EDA: variants seen among roughly 807,000 people sequenced by gnomAD.
The protein encoded by EDA is ectodysplasin A, also known as ectodysplasin-A.
In EDA, 2 loss-of-function variants were observed where a neutral mutation model predicts 23.6. The observed-to-expected ratio is 0.08, with a 90% CI of 0.03 to 0.27. The LOEUF is 0.27. Among genes scored for constraint, EDA ranks in the 10% least tolerant of loss-of-function variants. The probability of loss-of-function intolerance (pLI) is 1.00; values close to 1 mark genes in which losing one functional copy is unlikely to be tolerated. For synonymous variants in EDA, 131 were observed against 132.0 expected (o/e 0.99, Z 0.05); for missense variants, 229 against 324.2 (o/e 0.71, Z 2.26).
chrX:69,904,762 G>A (rs1374126813), intron 1 of EDA, among the ~76,000 whole-genome samples: 1 of 111,927 alleles, frequency 8.9e-6, no homozygotes, highest in East Asian at 2.8e-4. Flanking sequence ...CCACATGTGA[G>A]TGAGAATGTG....
chrX:69,788,434 TG>T (rs2015275843), intron 1 of EDA, among the ~76,000 whole-genome samples: 1 of 112,058 alleles, frequency 8.9e-6, no homozygotes, highest in African/African-American at 3.2e-5. Flanking sequence ...TATCTACTTT[TG>T]GTCTTTGATG....
chrX:69,889,411 A>C (rs2017889284), intron 1 of EDA, among the ~76,000 whole-genome samples: 1 of 110,786 alleles, frequency 9.0e-6, no homozygotes, highest in South Asian at 3.9e-4. Flanking sequence ...TGGCCCCCCA[A>C]AGTGCTGGGA....
At chrX:69,785,462 G>C (rs1181468798) in intron 1 of EDA, among the ~76,000 whole-genome samples, 1 of 106,044 alleles carries the variant, frequency 9.4e-6, no homozygotes, top group Non-Finnish European at 2.0e-5. Context: ...TTTGAGATAT[G>C]TCCCACCAAT....
intron 1 of EDA, among the ~76,000 whole-genome samples, chrX:69,906,524 G>A (rs1179132452): frequency 8.9e-6 from 1 of 112,311 alleles, no homozygotes; most frequent in Non-Finnish European, 1.9e-5. Context: ...TCTCCTCTGG[G>A]TATCACACTG....
intron 1 of EDA, among the ~76,000 whole-genome samples, chrX:69,941,910 T>A (rs1221843266): frequency 8.9e-6 from 1 of 111,744 alleles, no homozygotes; most frequent in Non-Finnish European, 1.9e-5. Flanking sequence ...ATGGTATGAT[T>A]TAATTTCTTG....
chrX:69,908,215 T>G (rs1261779681), intron 1 of EDA, among the ~76,000 whole-genome samples: 1 of 111,629 alleles, frequency 9.0e-6, no homozygotes, highest in Non-Finnish European at 1.9e-5. Flanking sequence ...TATGTGTCAT[T>G]TCTTGATAGG....
At chrX:69,878,997 A>C (rs1267264924) in intron 1 of EDA, among the ~76,000 whole-genome samples, 1 of 111,056 alleles carries the variant, frequency 9.0e-6, no homozygotes, top group African/African-American at 3.3e-5. Flanking sequence ...TATAAAAATA[A>C]ATCATAGTAA....
At chrX:69,830,609 A>G (rs187343697) in intron 1 of EDA, among the ~76,000 whole-genome samples, 1 of 112,542 alleles carries the variant, frequency 8.9e-6, no homozygotes, top group African/African-American at 3.2e-5. Context: ...ATACTCGTGT[A>G]ATAACATAAG....
At chrX:69,760,510 T>C (rs1743361402) in intron 1 of EDA, among the ~76,000 whole-genome samples, 2 of 112,004 alleles carry the variant, frequency 1.8e-5, no homozygotes, top group Admixed American at 1.9e-4. Flanking sequence ...CCCTCTCTTG[T>C]TATCCAGCCT....
At chrX:69,921,924 C>T (rs1419243296) in intron 1 of EDA, among the ~76,000 whole-genome samples, 1 of 111,183 alleles carries the variant, frequency 9.0e-6, no homozygotes, top group Admixed American at 9.6e-5. Flanking sequence ...TTTCGTCACC[C>T]TAAAAATCTC....
In EDA at chrX:70,036,152, C is replaced by A. The variant is rs1169177395; in HGVS notation, c.*543C>A. ...GAAACCTGCCAAGGAGCATCCTTGGCAGTGGGAATGTTCTTTCTGCTCTAT... is the reference window on the plus strand; with the variant it reads ...GAAACCTGCCAAGGAGCATCCTTGGAAGTGGGAATGTTCTTTCTGCTCTAT... On this transcript the variant is annotated 3_prime_UTR_variant, in exon 8 of 8. Transcript: ENST00000374552. 1.7e-5 allele frequency: 2 copies of A among 118,722 alleles called. No individual in the cohort carries two copies. The highest frequency in any genetic ancestry group is 3.5e-5 in the Non-Finnish European group (2 of 57,885). 9.8% of individuals were successfully genotyped at this position (118,722 alleles called of 1,213,427 possible). A position where few individuals can be genotyped will look rare whatever the true frequency, so the allele number is the denominator to read the frequency against.
intron 1 of EDA, among the ~76,000 whole-genome samples, chrX:69,943,268 G>A (rs887719142): frequency 2.7e-5 from 3 of 111,091 alleles, no homozygotes; most frequent in East Asian, 2.8e-4. Context: ...GAACAGTTAC[G>A]TATTGACTAG....
chrX:69,677,821 T>C (rs771828137), intron 1 of EDA, among the ~76,000 whole-genome samples: 2,676 of 111,973 alleles, frequency 0.024, 66 homozygotes, highest in African/African-American at 0.084. Flanking sequence ...AGCTCTTTAG[T>C]TTAATTAGAT....
At chrX:69,742,659 G>A (rs987051982) in intron 1 of EDA, among the ~76,000 whole-genome samples, 2 of 111,156 alleles carry the variant, frequency 1.8e-5, no homozygotes, top group African/African-American at 3.3e-5. Context: ...TTTTTCTGAC[G>A]GTTCTTTTCC....
intron 1 of EDA, among the ~76,000 whole-genome samples, chrX:69,854,978 C>G (rs1250800320): frequency 1.8e-5 from 2 of 110,944 alleles, no homozygotes; most frequent in Non-Finnish European, 3.8e-5. Context: ...TATTTTTTTA[C>G]TTTTTTACTT....
intron 1 of EDA, among the ~76,000 whole-genome samples, chrX:69,745,259 A>G (rs1277772612): frequency 8.9e-6 from 1 of 111,879 alleles, no homozygotes; most frequent in African/African-American, 3.3e-5. Context: ...GTAGCTATAT[A>G]TGTTTTTGAC....
Position 69,646,235 on chromosome X carries a change from T to G in EDA, c.396+29531T>G, listed in dbSNP as rs191095227. Reference sequence around the variant, plus strand: ...GCTGAGTTCAGGTAGTAAATATCTTTGTTAATTTTCTATCTTGATGATCTG... The same window carrying G: ...GCTGAGTTCAGGTAGTAAATATCTTGGTTAATTTTCTATCTTGATGATCTG... On this transcript the variant is annotated intron_variant, in intron 1 of 7. Transcript: ENST00000374552. 5.9e-3 allele frequency among the ~76,000 whole-genome samples: 655 copies of G among 111,591 alleles called. 1 individual carries two copies. The highest frequency in any genetic ancestry group is 1.0e-2 in the Non-Finnish European group (530 of 53,110).
intron 1 of EDA, among the ~76,000 whole-genome samples, chrX:69,746,503 C>T (rs2013625301): frequency 9.1e-6 from 1 of 110,232 alleles, no homozygotes. Context: ...TTTCTTTAGA[C>T]TTCTATTATT....
At chrX:69,959,511 C>T (rs2019069208) in intron 2 of EDA, among the ~76,000 whole-genome samples, 1 of 111,734 alleles carries the variant, frequency 8.9e-6, no homozygotes, top group Non-Finnish European at 1.9e-5. Flanking sequence ...TATATTTATT[C>T]AATACACTCA....
Sources: allele counts gnomAD v4.1 joint callset (sites outside exome capture counted in the v4.1 genomes callset), GRCh38; gene constraint gnomAD v4.1.1; transcripts MANE v1.5; gene names NCBI Gene and HGNC (gene_info 2026-07-23, HGNC 2026-07-21).